The following CUX1 variants were observed in gnomAD, a reference collection of about 807,000 sequenced individuals.
The protein encoded by CUX1 is protein CASP.
Under a neutral mutation model 158.8 loss-of-function variants are expected in CUX1, and 31 were observed. The observed-to-expected ratio is 0.20, with a 90% CI of 0.15 to 0.26. The LOEUF is 0.26. Among genes scored for constraint, CUX1 ranks in the 10% least tolerant of loss-of-function variants. The pLI is 1.00. For synonymous variants in CUX1, 879 were observed against 862.1 expected, an observed-to-expected ratio of 1.02 and a Z score of -0.34; for missense variants, 1,589 against 2,014.6, an observed-to-expected ratio of 0.79 and a Z score of 4.04.
chr7:101,913,310 TG>T, intron 1 of CUX1: 1 of 1,227,632 alleles, frequency 8.1e-7, no homozygotes, highest in African/African-American at 1.6e-5. Flanking sequence ...GAGACCCCCG[TG>T]GGTTTCCCAT....
At chr7:101,954,341 C>A (rs1809489836) in intron 2 of CUX1, among the ~76,000 whole-genome samples, 1 of 152,124 alleles carries the variant, frequency 6.6e-6, no homozygotes, top group Non-Finnish European at 1.5e-5. Flanking sequence ...CAGAGTGAGA[C>A]CCTGTCTCAA....
At chr7:102,104,065 C>CT (rs1190960480) in intron 5 of CUX1, among the ~76,000 whole-genome samples, 5 of 151,996 alleles carry the variant, frequency 3.3e-5, no homozygotes, top group Admixed American at 1.3e-4. Flanking sequence ...TCCCCCCACC[C>CT]TTTTTTTTCT....
chr7:101,973,792 G>A lies in CUX1; in HGVS notation c.142-54306G>A, dbSNP rs1313539376. On this transcript the variant is annotated intron_variant, in intron 2 of 23. Coordinates refer to ENST00000292535, the MANE Select transcript of CUX1 (RefSeq NM_181552.4). Reference sequence around the variant, plus strand: ...TTTCTTTTTTTTTTTTTTTTGAGACGGAGTCTCACACTGTCGCCTGGGCTG... The same window carrying A: ...TTTCTTTTTTTTTTTTTTTTGAGACAGAGTCTCACACTGTCGCCTGGGCTG... Among the ~76,000 whole-genome samples, 8 of 142,264 alleles carry A rather than the reference G, an allele frequency of 5.6e-5. No individual in the cohort carries two copies. The East Asian group carries it at 6.0e-4, about 11-fold the overall frequency. 93.3% of individuals were successfully genotyped at this position (142,264 alleles called of 152,430 possible). A position where few individuals can be genotyped will look rare whatever the true frequency, so the allele number is the denominator to read the frequency against.
At chr7:101,885,931 T>G (rs1477662643) in intron 1 of CUX1, among the ~76,000 whole-genome samples, 1 of 152,296 alleles carries the variant, frequency 6.6e-6, no homozygotes, top group East Asian at 1.9e-4. Flanking sequence ...CACCGCCGTT[T>G]ATAGGAGAGG....
At chr7:102,216,524 A>G (rs1307913633) in intron 20 of CUX1, among the ~76,000 whole-genome samples, 1 of 71,926 alleles carries the variant, frequency 1.4e-5, no homozygotes, top group South Asian at 5.0e-4. Flanking sequence ...GCACACACAC[A>G]CTCTCCCCCC....
At chr7:102,073,171 T>TTTTTTTTTC (rs1826336418) in intron 4 of CUX1, among the ~76,000 whole-genome samples, 1 of 73,904 alleles carries the variant, frequency 1.4e-5, no homozygotes, top group African/African-American at 6.6e-5. Flanking sequence ...CTTTCTTTTT[T>TTTTTTTTTC]TTTTTTTTTT....
intron 12 of CUX1, among the ~76,000 whole-genome samples, chr7:102,193,343 T>C (rs1190454276): frequency 6.6e-6 from 1 of 152,256 alleles, no homozygotes; most frequent in African/African-American, 2.4e-5. Context: ...ATGATTTACA[T>C]GCTAGGCAAG....
chr7:102,107,456 C>T (rs1326158361), intron 6 of CUX1, among the ~76,000 whole-genome samples: 5 of 152,300 alleles, frequency 3.3e-5, no homozygotes, highest in Non-Finnish European at 7.4e-5. Context: ...AGGAGAATTG[C>T]TTGAACCCAG....
At chr7:101,965,257 G>C (rs1811028613) in intron 2 of CUX1, among the ~76,000 whole-genome samples, 1 of 152,136 alleles carries the variant, frequency 6.6e-6, no homozygotes, top group South Asian at 2.1e-4. Flanking sequence ...TCCTTGGTGT[G>C]GGCGAGGCAC....
rs6967952 is a variant in CUX1 at position 102,148,636 on chromosome 7, T to C, written c.675-9924T>C. On this transcript the variant is annotated intron_variant, in intron 8 of 23. Transcript: ENST00000292535. Reference sequence around the variant, plus strand: ...ATAGGGATATAGTTGGATATTTCATTAATAAATGTATATATATAATGTATT... The same window carrying C: ...ATAGGGATATAGTTGGATATTTCATCAATAAATGTATATATATAATGTATT... Among the ~76,000 whole-genome samples, 423 of 149,638 alleles carry C rather than the reference T, an allele frequency of 2.8e-3. 3 individuals carry two copies. Among genetic ancestry groups the C allele is most frequent in the African/African-American group, 1.0e-2 (410 of 41,008 alleles).
At chr7:101,845,485 G>A (rs1795594637) in intron 1 of CUX1, among the ~76,000 whole-genome samples, 2 of 152,178 alleles carry the variant, frequency 1.3e-5, no homozygotes, top group African/African-American at 4.8e-5. Context: ...TATAGCTCCA[G>A]TTGAATTACC....
At chr7:102,273,939 G>A (rs1791414886) in intron 15 of CUX1, among the ~76,000 whole-genome samples, 1 of 152,240 alleles carries the variant, frequency 6.6e-6, no homozygotes, top group Admixed American at 6.5e-5. Flanking sequence ...CAGGTCACGT[G>A]GCAGGCTGGT....
At chr7:101,881,435 G>A (rs919245831) in intron 1 of CUX1, among the ~76,000 whole-genome samples, 2 of 152,198 alleles carry the variant, frequency 1.3e-5, no homozygotes, top group African/African-American at 4.8e-5. Context: ...ATCGCTGGCA[G>A]GCCCGAGTTG....
intron 2 of CUX1, among the ~76,000 whole-genome samples, chr7:101,952,981 T>C (rs1160941401): frequency 6.6e-6 from 1 of 152,208 alleles, no homozygotes; most frequent in East Asian, 1.9e-4. Context: ...AATGTGTGTG[T>C]GTTCCGTAAA....
At chr7:101,883,139 C>T (rs770194325) in intron 1 of CUX1, among the ~76,000 whole-genome samples, 6 of 152,118 alleles carry the variant, frequency 3.9e-5, no homozygotes, top group East Asian at 1.9e-4. Flanking sequence ...TTGCTCATTT[C>T]GTCATCTTCC....
chr7:101,962,911 G>A (rs991583291), intron 2 of CUX1, among the ~76,000 whole-genome samples: 3 of 152,058 alleles, frequency 2.0e-5, no homozygotes, highest in African/African-American at 7.2e-5. Flanking sequence ...TGTAGAGACA[G>A]GGTCTTGCCA....
Position 102,252,127 on chromosome 7 carries a change from T to TA in CUX1, c.*3085_*3086insA. Reference sequence around the variant, plus strand: ...TTTTTTTCCTCTATTATTTATTTTTTTAAAAAAAATAGAGATCCTAACCTT... The same window carrying TA: ...TTTTTTTCCTCTATTATTTATTTTTTATAAAAAAAATAGAGATCCTAACCTT... On this transcript the variant is annotated 3_prime_UTR_variant, in exon 24 of 24. Transcript: ENST00000292535. The TA allele has an allele frequency of 1.0e-6, 1 of 984,528 alleles. No individual in the cohort carries two copies. 61.0% of individuals were successfully genotyped at this position (984,528 alleles called of 1,614,324 possible). A position where few individuals can be genotyped will look rare whatever the true frequency, so the allele number is the denominator to read the frequency against.
chr7:101,818,061 GT>G (rs1481198421), intron 1 of CUX1, among the ~76,000 whole-genome samples: 1 of 152,152 alleles, frequency 6.6e-6, no homozygotes, highest in African/African-American at 2.4e-5. Context: ...AGTCATAGTC[GT>G]TATGAAATTT....
intron 6 of CUX1, among the ~76,000 whole-genome samples, chr7:102,107,391 T>G (rs1159462464): frequency 6.6e-6 from 1 of 151,100 alleles, no homozygotes; most frequent in African/African-American, 2.4e-5. Flanking sequence ...AAATACAAAA[T>G]AAGCCAGGCG....
Sources: gnomAD v4.1 joint callset for allele counts (sites outside exome capture counted in the v4.1 genomes callset) on GRCh38, gnomAD v4.1.1 for gene constraint, MANE v1.5 for transcripts, NCBI Gene and HGNC (gene_info 2026-07-23, HGNC 2026-07-21) for gene names.